The following LPIN2 variants were observed in gnomAD, a reference collection of about 807,000 sequenced individuals.
The protein encoded by LPIN2 is lipin 2, also known as phosphatidate phosphatase LPIN2.
Under a neutral mutation model 111.4 loss-of-function variants are expected in LPIN2, and 55 were observed. The ratio of observed to expected loss-of-function variants is 0.49; its 90% CI spans 0.40 to 0.62. The LOEUF (loss-of-function observed/expected upper bound fraction) is 0.62, where lower values mean the gene tolerates loss of function less well. LPIN2 is among the 20% of genes least tolerant of loss of function. LPIN2 has a pLI of 0.00. For synonymous variants in LPIN2, 425 were observed against 414.0 expected, an observed-to-expected ratio of 1.03 and a Z score of -0.32; for missense variants, 992 against 1,112.1, an observed-to-expected ratio of 0.89 and a Z score of 1.54.
chr18:2,946,745 T>C (rs1376279975), intron 4 of LPIN2: 2 of 543,574 alleles, frequency 3.7e-6, no homozygotes, highest in Non-Finnish European at 6.7e-6. Context: ...ACTGGTAGTA[T>C]GGAACAGATA....
At chr18:2,932,529 T>A (rs1304742569) in intron 8 of LPIN2, among the ~76,000 whole-genome samples, 1 of 152,236 alleles carries the variant, frequency 6.6e-6, no homozygotes, top group African/African-American at 2.4e-5. Context: ...TTAACTGGAC[T>A]GACAGAATGT....
rs562075898 is a variant in LPIN2 at position 2,951,286 on chromosome 18, G to C, written c.359C>G (p.Thr120Ser). 1 of 1,614,120 alleles carries C rather than the reference G, an allele frequency of 6.2e-7. No individual in the cohort carries two copies. Among genetic ancestry groups the C allele is most frequent in the Admixed American group, 1.7e-5 (1 of 60,016 alleles). The change falls in exon 4 of 20, where the codon ACC (threonine) becomes AGC (serine). Residue 120 changes from threonine to serine, a missense_variant. Physicochemically the swap from Thr to Ser is moderately conservative, Grantham distance 58 (BLOSUM62 1). Around this residue, in one of 4 missense-constraint regions of LPIN2, gnomAD observed 709 missense variants for 753.2 expected, o/e 0.94. Coordinates refer to ENST00000677752, the MANE Select transcript of LPIN2 (RefSeq NM_001375808.2). ...TEDQFFKDID[T>S]PLVKSGGDET... The stretch of plus-strand genomic sequence containing the variant: ...ATCTCCACCCGATTTCACCAAAGGG[G>C]TGTCAATATCTTTAAAGAACTGATC...
chr18:2,996,125 G>C (rs2078337353), intron 1 of LPIN2, among the ~76,000 whole-genome samples: 1 of 152,072 alleles, frequency 6.6e-6, no homozygotes, highest in Non-Finnish European at 1.5e-5. Flanking sequence ...CGGATCATGA[G>C]GTCAGGAGAT....
intron 7 of LPIN2, among the ~76,000 whole-genome samples, chr18:2,937,372 C>T (rs1295429876): frequency 1.3e-5 from 2 of 151,662 alleles, no homozygotes; most frequent in East Asian, 3.9e-4. Context: ...GGTGAAATGC[C>T]ATCTCTATTA....
intron 1 of LPIN2, among the ~76,000 whole-genome samples, chr18:2,999,755 G>C (rs924266712): frequency 6.6e-6 from 1 of 152,118 alleles, no homozygotes; most frequent in African/African-American, 2.4e-5. Flanking sequence ...AGCTAGGAGA[G>C]GACGCTAATA....
intron 15 of LPIN2, 23 bp downstream of exon 15, chr18:2,924,375 C>A (rs1216955823): frequency 6.2e-7 from 1 of 1,614,014 alleles, no homozygotes; most frequent in Non-Finnish European, 8.5e-7. Context: ...TTCCTTGCCA[C>A]CCACCTGAAG....
chr18:2,971,947 C>G (rs549909572), intron 1 of LPIN2, among the ~76,000 whole-genome samples: 3 of 151,556 alleles, frequency 2.0e-5, no homozygotes, highest in African/African-American at 7.3e-5. Context: ...CTCAGGAGGC[C>G]GAGACACGAG....
rs571588906 is a variant in LPIN2 at position 2,917,129 on chromosome 18, T to C, written c.*3164A>G. The C allele has an allele frequency of 6.6e-6, 1 of 152,246 alleles. No homozygotes were observed. The highest frequency in any genetic ancestry group is 1.5e-5 in the Non-Finnish European group (1 of 68,034). 9.4% of individuals were successfully genotyped at this position (152,246 alleles called of 1,614,324 possible). On this transcript the variant is annotated 3_prime_UTR_variant, in exon 20 of 20. Transcript: ENST00000677752. ...AGTACTGTACTGATGATGTTTACAA[T>C]TAACTTTGGACAACTTAAAACTTAT...
In LPIN2 at chr18:2,946,159, T is replaced by C. The variant is rs767974664; in HGVS notation, c.590+4896A>G. The C allele has an allele frequency of 1.9e-6, 3 of 1,609,782 alleles. No individual in the cohort carries two copies. The East Asian group carries it at 6.7e-5, about 36-fold the overall frequency. On this transcript the variant is annotated intron_variant, in intron 4 of 19. Coordinates refer to ENST00000677752, the MANE Select transcript of LPIN2 (RefSeq NM_001375808.2). Reference sequence around the variant, plus strand: ...ACAGTTTAAGTTTATCAAGTGCTTGTTTTAGGGAGGCAGATATTTTTAATT... The same window carrying C: ...ACAGTTTAAGTTTATCAAGTGCTTGCTTTAGGGAGGCAGATATTTTTAATT...
intron 19 of LPIN2, 100 bp downstream of exon 19, chr18:2,920,678 G>T (rs142768818): frequency 4.4e-6 from 4 of 913,036 alleles, no homozygotes; most frequent in Non-Finnish European, 5.4e-6. Flanking sequence ...TTTGATCAGG[G>T]CCTGATCTCA....
At chr18:2,938,830 G>A (rs1028753288) in intron 6 of LPIN2, among the ~76,000 whole-genome samples, 4 of 151,968 alleles carry the variant, frequency 2.6e-5, no homozygotes, top group Non-Finnish European at 4.4e-5. Context: ...TTATGAGCTG[G>A]AAAAAAAGGT....
intron 1 of LPIN2, among the ~76,000 whole-genome samples, chr18:2,995,783 T>C (rs2078331227): frequency 6.6e-6 from 1 of 152,178 alleles, no homozygotes; most frequent in African/African-American, 2.4e-5. Flanking sequence ...CCGCTGGGGA[T>C]AAAAGGATAC....
intron 1 of LPIN2, among the ~76,000 whole-genome samples, chr18:3,010,083 C>T (rs1344017641): frequency 6.6e-6 from 1 of 152,198 alleles, no homozygotes; most frequent in African/African-American, 2.4e-5. Flanking sequence ...TCTGGCCATT[C>T]CCCACTACAC....
chr18:2,923,410 A>G, intron 16 of LPIN2, among the ~76,000 whole-genome samples: 1 of 144,198 alleles, frequency 6.9e-6, no homozygotes. Flanking sequence ...ACAAGAGCAA[A>G]ACTCCATCTC....
intron 1 of LPIN2, chr18:2,977,311 A>T (rs1333665265): frequency 6.6e-6 from 1 of 152,184 alleles, no homozygotes; most frequent in African/African-American, 2.4e-5. Context: ...GTATGAACCC[A>T]TGGTTTTAAA....
At chr18:2,971,765 A>T (rs1380535709) in intron 1 of LPIN2, among the ~76,000 whole-genome samples, 2 of 137,216 alleles carry the variant, frequency 1.5e-5, no homozygotes, top group Non-Finnish European at 3.2e-5. Context: ...AAAAAAAAAC[A>T]GGCTGGGTGC....
At chr18:2,936,788 C>G (rs981039044) in intron 7 of LPIN2, among the ~76,000 whole-genome samples, 2 of 152,096 alleles carry the variant, frequency 1.3e-5, no homozygotes, top group African/African-American at 4.8e-5. Flanking sequence ...CTATGTTGCC[C>G]AGGCTGATCT....
chr18:2,993,064 G>A (rs901440432), intron 1 of LPIN2, among the ~76,000 whole-genome samples: 1 of 151,902 alleles, frequency 6.6e-6, no homozygotes, highest in Non-Finnish European at 1.5e-5. Context: ...AGGATGGCTT[G>A]AGCTCAGGAG....
intron 8 of LPIN2, among the ~76,000 whole-genome samples, chr18:2,932,223 A>G (rs2077221057): frequency 6.6e-6 from 1 of 152,110 alleles, no homozygotes; most frequent in East Asian, 1.9e-4. Context: ...ACTACTCTAT[A>G]CCCTTTGAAT....
Sources: gnomAD v4.1 joint callset for allele counts (sites outside exome capture counted in the v4.1 genomes callset) on GRCh38, gnomAD v4.1.1 for gene constraint, gnomAD v4.1.1 regional missense constraint, MANE v1.5 for transcripts, NCBI Gene and HGNC (gene_info 2026-07-23, HGNC 2026-07-21) for gene names.